The following MAGI2 variants were observed in gnomAD, a reference collection of about 807,000 sequenced individuals.
MAGI2 encodes the protein membrane associated guanylate kinase, WW and PDZ domain containing 2.
Under a neutral mutation model 133.3 loss-of-function variants are expected in MAGI2, and 35 were observed. The ratio of observed to expected loss-of-function variants is 0.26; its 90% CI spans 0.20 to 0.35. The LOEUF (loss-of-function observed/expected upper bound fraction) is 0.35. Ranked by LOEUF, MAGI2 falls within the 10% of genes least tolerant of loss-of-function variation. The pLI is 1.00. For missense variants in MAGI2, 1,636 were observed against 1,863.4 expected (o/e 0.88, Z 2.25); for synonymous variants, 729 against 710.6 (o/e 1.03, Z -0.41).
intron 9 of MAGI2, among the ~76,000 whole-genome samples, chr7:78,341,468 T>C (rs539189631): frequency 2.2e-4 from 33 of 152,124 alleles, no homozygotes; most frequent in African/African-American, 7.9e-4. Context: ...CCATAAACTT[T>C]ATATGGAACC....
At chr7:78,373,650 G>A (rs1010144592) in intron 6 of MAGI2, among the ~76,000 whole-genome samples, 1 of 151,994 alleles carries the variant, frequency 6.6e-6, no homozygotes, top group African/African-American at 2.4e-5. Flanking sequence ...TCTTATCTGG[G>A]TATATTTCAT....
At chr7:79,135,356 G>T (rs902145276) in intron 1 of MAGI2, among the ~76,000 whole-genome samples, 1 of 152,098 alleles carries the variant, frequency 6.6e-6, no homozygotes, top group Non-Finnish European at 1.5e-5. Flanking sequence ...AAATTACATA[G>T]ATTTTTGTTT....
chr7:78,072,602 A>G (rs913976108), intron 21 of MAGI2: 2 of 250,832 alleles, frequency 8.0e-6, no homozygotes, highest in Non-Finnish European at 1.5e-5. Flanking sequence ...TTTTTGTATC[A>G]TTAGAGGGAA....
intron 6 of MAGI2, among the ~76,000 whole-genome samples, chr7:78,462,884 CAACTT>C (rs747847058): frequency 1.3e-5 from 2 of 152,130 alleles, no homozygotes; most frequent in Non-Finnish European, 2.9e-5. Context: ...GCAGAATTCA[CAACTT>C]AACATGAAGA....
At chr7:78,432,457 A>G (rs989657010) in intron 6 of MAGI2, among the ~76,000 whole-genome samples, 2 of 152,118 alleles carry the variant, frequency 1.3e-5, no homozygotes, top group Non-Finnish European at 2.9e-5. Flanking sequence ...TTTTGTCATG[A>G]TTAAGATTCT....
intron 1 of MAGI2, among the ~76,000 whole-genome samples, chr7:79,088,950 G>C (rs1034965072): frequency 6.6e-6 from 1 of 151,920 alleles, no homozygotes; most frequent in Non-Finnish European, 1.5e-5. Flanking sequence ...TTGACAAAGG[G>C]GATATAATTA....
rs59175251 is a variant in MAGI2 at position 79,168,936 on chromosome 7, AT to A, written c.302-161731del. Among the ~76,000 whole-genome samples, 820 of 142,184 alleles carry A rather than the reference AT, an allele frequency of 5.8e-3. 13 individuals carry two copies. Among genetic ancestry groups the A allele is most frequent in the African/African-American group, 0.022 (787 of 36,112 alleles). The allele number at this position is 142,184 out of a possible 152,430, so 93.3% of individuals were successfully genotyped here. ...TATATATATATATATATATATATAA[AT>A]TTTTTTTCCCTTTGCAACTTGTGGA... On this transcript the variant is annotated intron_variant, in intron 1 of 21. Coordinates refer to ENST00000354212, the MANE Select transcript of MAGI2 (RefSeq NM_012301.4).
At chr7:78,566,532 T>TG (rs1563178622) in intron 3 of MAGI2, among the ~76,000 whole-genome samples, 1 of 71,440 alleles carries the variant, frequency 1.4e-5, no homozygotes, top group African/African-American at 5.0e-5. Flanking sequence ...CAGACACAGT[T>TG]TAAAAAAAAA....
chr7:78,920,216 G>A (rs1217306093), intron 2 of MAGI2, among the ~76,000 whole-genome samples: 1 of 152,104 alleles, frequency 6.6e-6, no homozygotes, highest in Non-Finnish European at 1.5e-5. Context: ...ATGATTGGAT[G>A]TGAATTCACA....
rs746424350 is a variant in MAGI2 at position 79,228,354 on chromosome 7, C to CAAAA, written c.302-221152_302-221149dup. On this transcript the variant is annotated intron_variant, in intron 1 of 21. Transcript: ENST00000354212. ...CAAGACCCTGTCTCAAAAAAACAGGCAAAAAAAAAAAAAAAAGATCGTGGG... is the reference window on the plus strand; with the variant it reads ...CAAGACCCTGTCTCAAAAAAACAGGCAAAAAAAAAAAAAAAAAAAAGATCGTGGG... 8.3e-4 allele frequency among the ~76,000 whole-genome samples: 26 copies of CAAAA among 31,436 alleles called. 2 individuals are homozygous for CAAAA. The highest frequency in any genetic ancestry group is 1.3e-3 in the African/African-American group (17 of 13,276). The allele number at this position is 31,436 out of a possible 152,430, so 20.6% of individuals were successfully genotyped here.
intron 6 of MAGI2, among the ~76,000 whole-genome samples, chr7:78,488,597 A>C (rs1329604736): frequency 3.9e-5 from 6 of 152,054 alleles, no homozygotes. Context: ...TAAAGTTCTG[A>C]TCATACAATA....
At chr7:78,743,873 T>G (rs1381086033) in intron 2 of MAGI2, among the ~76,000 whole-genome samples, 1 of 152,182 alleles carries the variant, frequency 6.6e-6, no homozygotes, top group Non-Finnish European at 1.5e-5. Flanking sequence ...CATTCCATTT[T>G]TTTTCCTTCT....
At chr7:78,305,994 A>T (rs1389980552) in intron 9 of MAGI2, among the ~76,000 whole-genome samples, 1 of 152,202 alleles carries the variant, frequency 6.6e-6, no homozygotes, top group Non-Finnish European at 1.5e-5. Context: ...CATTTGTTCA[A>T]ATTAGGAAGG....
chr7:79,245,145 G>T (rs1319465884), intron 1 of MAGI2, among the ~76,000 whole-genome samples: 1 of 151,980 alleles, frequency 6.6e-6, no homozygotes, highest in Non-Finnish European at 1.5e-5. Context: ...ACTCACAATG[G>T]GTCTTTGGTG....
At chr7:78,187,918 C>G (rs184954756) in intron 12 of MAGI2, among the ~76,000 whole-genome samples, 2 of 152,172 alleles carry the variant, frequency 1.3e-5, no homozygotes, top group Admixed American at 1.3e-4. Flanking sequence ...TCAACTTGTG[C>G]AACCAACAAA....
chr7:78,750,134 T>C (rs1022287744), intron 2 of MAGI2, among the ~76,000 whole-genome samples: 7 of 152,188 alleles, frequency 4.6e-5, no homozygotes, highest in Non-Finnish European at 8.8e-5. Context: ...ATGCAGTGTT[T>C]GGTTTTCTGT....
intron 21 of MAGI2, among the ~76,000 whole-genome samples, chr7:78,038,283 A>C (rs551456435): frequency 6.6e-6 from 1 of 152,308 alleles, no homozygotes; most frequent in Non-Finnish European, 1.5e-5. Context: ...CCCTTTCTTG[A>C]AAGTGGAGCC....
chr7:79,263,343 A>C (rs753501802), intron 1 of MAGI2, among the ~76,000 whole-genome samples: 4 of 152,150 alleles, frequency 2.6e-5, no homozygotes, highest in Admixed American at 6.6e-5. Context: ...ACCGGTATGA[A>C]AGCCAACAGT....
At chr7:79,213,304 ATTT>A (rs1829670138) in intron 1 of MAGI2, among the ~76,000 whole-genome samples, 1 of 149,080 alleles carries the variant, frequency 6.7e-6, no homozygotes, top group Non-Finnish European at 1.5e-5. Flanking sequence ...ACGTGTGTGT[ATTT>A]ACACACACGT....
Sources: gnomAD v4.1 joint callset for allele counts (sites outside exome capture counted in the v4.1 genomes callset) on GRCh38, gnomAD v4.1.1 for gene constraint, MANE v1.5 for transcripts, NCBI Gene and HGNC (gene_info 2026-07-23, HGNC 2026-07-21) for gene names.